TCF12: variants seen among roughly 807,000 people sequenced by gnomAD.
TCF12 encodes the protein DNA-binding protein HTF4.
In TCF12, 45 loss-of-function variants were observed where a neutral mutation model predicts 86.0. That is an observed-to-expected ratio of 0.52 (90% CI 0.41 to 0.67). TCF12 has a LOEUF of 0.67. TCF12 is among the 30% of genes least tolerant of loss of function. The probability of loss-of-function intolerance (pLI) is 0.00; values close to 1 mark genes in which losing one functional copy is unlikely to be tolerated. For missense variants in TCF12, 881 were observed against 859.9 expected (o/e 1.02, Z -0.31); for synonymous variants, 330 against 299.6 (o/e 1.10, Z -1.05).
At chr15:56,925,953 T>C (rs964750606) in intron 3 of TCF12, among the ~76,000 whole-genome samples, 1 of 152,230 alleles carries the variant, frequency 6.6e-6, no homozygotes, top group Non-Finnish European at 1.5e-5. Flanking sequence ...ATTTAGTATT[T>C]ACCTATGCAT....
chr15:57,025,105 C>T (rs147810442), intron 3 of TCF12, among the ~76,000 whole-genome samples: 71 of 151,748 alleles, frequency 4.7e-4, no homozygotes, highest in African/African-American at 1.7e-3. Context: ...GACCAAGGCT[C>T]AGCTCGCTCT....
intron 3 of TCF12, among the ~76,000 whole-genome samples, chr15:56,978,311 A>G (rs377686961): frequency 1.1e-4 from 17 of 152,344 alleles, no homozygotes; most frequent in African/African-American, 3.8e-4. Flanking sequence ...TGATTCCACT[A>G]ATAGTTATCC....
intron 5 of TCF12, among the ~76,000 whole-genome samples, chr15:57,147,830 T>C (rs1470219001): frequency 6.6e-6 from 1 of 151,956 alleles, no homozygotes. Flanking sequence ...GTTATAATGG[T>C]TTTACCAAAG....
chr15:57,153,376 A>G (rs1179635535), intron 5 of TCF12, among the ~76,000 whole-genome samples: 1 of 152,246 alleles, frequency 6.6e-6, no homozygotes, highest in South Asian at 2.1e-4. Context: ...ACAAGTGAGC[A>G]TGGCTGTTTT....
intron 3 of TCF12, among the ~76,000 whole-genome samples, chr15:57,050,274 T>G (rs781077936): frequency 2.4e-4 from 37 of 152,168 alleles, no homozygotes; most frequent in Non-Finnish European, 4.6e-4. Context: ...TTTATAGTTG[T>G]GAATTTTATC....
intron 5 of TCF12, among the ~76,000 whole-genome samples, chr15:57,150,927 CTTCCTTCCTTCT>C (rs1225433367): frequency 7.5e-6 from 1 of 133,090 alleles, no homozygotes; most frequent in Non-Finnish European, 1.6e-5. Flanking sequence ...TCCTTCCTTC[CTTCCTTCCTTCT>C]TCCCTTCCCC....
intron 5 of TCF12, among the ~76,000 whole-genome samples, chr15:57,164,112 G>T (rs1407499435): frequency 6.6e-6 from 1 of 152,052 alleles, no homozygotes; most frequent in Non-Finnish European, 1.5e-5. Context: ...TAGTTACTGA[G>T]CCTCAAAAAT....
At chr15:56,990,566 A>C (rs1198401676) in intron 3 of TCF12, among the ~76,000 whole-genome samples, 1 of 152,106 alleles carries the variant, frequency 6.6e-6, no homozygotes, top group Non-Finnish European at 1.5e-5. Flanking sequence ...GCAATTAAAA[A>C]AATATTGGAT....
chr15:56,983,122 G>A (rs1417199253), intron 3 of TCF12, among the ~76,000 whole-genome samples: 1 of 152,190 alleles, frequency 6.6e-6, no homozygotes, highest in African/African-American at 2.4e-5. Context: ...TAATGATTCA[G>A]AATTGCTGGC....
chr15:57,265,735 C>T (rs1038730382), intron 18 of TCF12, among the ~76,000 whole-genome samples: 1 of 151,994 alleles, frequency 6.6e-6, no homozygotes, highest in Non-Finnish European at 1.5e-5. Context: ...TTGCAGTTTC[C>T]AAGAACTGAT....
rs761155684 is a variant in TCF12, at chr15:57,157,553, C to CTT, written c.326-8834_326-8833dup. The stretch of plus-strand genomic sequence containing the variant: ...AGCTACCTTTAATTATAGTTTACTT[C>CTT]TTTTTTTTTTTTTTTTCCTTTTTTG... On this transcript the variant is annotated intron_variant, in intron 5 of 20. Coordinates refer to ENST00000333725, the MANE Select transcript of TCF12 (RefSeq NM_207037.2). 3.5e-3 allele frequency among the ~76,000 whole-genome samples: 481 copies of CTT among 137,196 alleles called. 2 individuals carry two copies. The highest frequency in any genetic ancestry group is 0.012 in the African/African-American group (445 of 37,338). The allele number at this position is 137,196 out of a possible 152,430, so 90.0% of individuals were successfully genotyped here.
At chr15:57,005,370 G>A (rs1351093838) in intron 3 of TCF12, among the ~76,000 whole-genome samples, 11 of 151,976 alleles carry the variant, frequency 7.2e-5, no homozygotes. Context: ...ATATGATTGT[G>A]GTATTTTTTG....
At chr15:56,947,172 G>T (rs1355077591) in intron 3 of TCF12, among the ~76,000 whole-genome samples, 1 of 152,112 alleles carries the variant, frequency 6.6e-6, no homozygotes, top group South Asian at 2.1e-4. Flanking sequence ...AATGCTTTGG[G>T]CATTCAACGT....
chr15:57,054,657 A>G (rs2141613597), intron 3 of TCF12, among the ~76,000 whole-genome samples: 1 of 150,748 alleles, frequency 6.6e-6, no homozygotes, highest in Non-Finnish European at 1.5e-5. Flanking sequence ...TAGGTCTACT[A>G]ATTTGTTTGT....
chr15:57,033,117 T>G (rs2066303691), intron 3 of TCF12, among the ~76,000 whole-genome samples: 2 of 152,126 alleles, frequency 1.3e-5, no homozygotes, highest in African/African-American at 4.8e-5. Flanking sequence ...ATAGAAATTT[T>G]TCAATCTGAA....
intron 18 of TCF12, among the ~76,000 whole-genome samples, chr15:57,265,068 AATAGTATAGTATAGTATAGT>A (rs71113096): frequency 0.15 from 20,983 of 139,624 alleles, 1,748 homozygotes; most frequent in East Asian, 0.24. Context: ...TCTAATGATA[AATAGTATAGTATAGTATAGT>A]ATAGTATAGT....
chr15:57,054,540 C>G (rs1199518804), intron 3 of TCF12, among the ~76,000 whole-genome samples: 1 of 152,122 alleles, frequency 6.6e-6, no homozygotes, highest in Non-Finnish European at 1.5e-5. Flanking sequence ...TTTATGAGCT[C>G]ACAGAGCAAT....
chr15:57,252,753 G>C (rs545377172), intron 15 of TCF12, among the ~76,000 whole-genome samples: 50 of 152,018 alleles, frequency 3.3e-4, no homozygotes, highest in Non-Finnish European at 6.9e-4. Context: ...TGTATCCACA[G>C]ACAGACAATA....
In TCF12 at chr15:57,057,766, T is replaced by C. The variant is rs760267440; in HGVS notation, c.149-5984T>C. Among the ~76,000 whole-genome samples the C allele has an allele frequency of 2.1e-4, 32 of 152,230 alleles. 1 individual carries two copies. Among genetic ancestry groups the C allele is most frequent in the Non-Finnish European group, 4.6e-4 (31 of 68,002 alleles). ...GCTTGTTTTTAAAAGGTTGCTCTAG[T>C]AGGAGGGGCAAGAAGAAGGGAAAAC... On this transcript the variant is annotated intron_variant, in intron 3 of 20. Coordinates refer to ENST00000333725, the MANE Select transcript of TCF12 (RefSeq NM_207037.2).
Sources: allele counts gnomAD v4.1 joint callset (sites outside exome capture counted in the v4.1 genomes callset), GRCh38; gene constraint gnomAD v4.1.1; transcripts MANE v1.5; gene names NCBI Gene and HGNC (gene_info 2026-07-23, HGNC 2026-07-21).